The following HMCN1 variants were observed in gnomAD, a reference collection of about 807,000 sequenced individuals.
HMCN1 encodes hemicentin 1.
In HMCN1, 321 loss-of-function variants were observed where a neutral mutation model predicts 625.9. That is an observed-to-expected ratio of 0.51 (90% CI 0.47 to 0.56). The LOEUF (loss-of-function observed/expected upper bound fraction) is 0.56. Ranked by LOEUF, HMCN1 falls within the 20% of genes least tolerant of loss-of-function variation. The probability of loss-of-function intolerance (pLI) is 0.00; values close to 1 mark genes in which losing one functional copy is unlikely to be tolerated. For synonymous variants in HMCN1, 2,425 were observed against 2,417.6 expected (o/e 1.00, Z -0.09); for missense variants, 6,588 against 6,887.3 (o/e 0.96, Z 1.54).
rs1650206611 is a variant in HMCN1 at position 185,963,833 on chromosome 1, A to C, written c.2036A>C (p.Tyr679Ser). 6.2e-7 allele frequency: 1 copy of C among 1,608,868 alleles called. No individual in the cohort carries two copies. Among genetic ancestry groups the C allele is most frequent in the South Asian group, 1.1e-5 (1 of 90,980 alleles). Residue 679 changes from tyrosine (Y) to serine (S), a missense_variant, in exon 13 of 107, where the codon TAT becomes TCT. Tyr to Ser is a moderately radical substitution (Grantham distance 144). Transcript: ENST00000271588. The stretch of plus-strand genomic sequence containing the variant: ...GCAGCTCCCAAAGATGCAGGGATCT[A>C]TGGTTGCCTAGCAAGTAATTCAGCT... ...KNAAPKDAGI[Y>S]GCLASNSAGT...
chr1:186,160,001 A>T (rs1651329079), intron 97 of HMCN1, among the ~76,000 whole-genome samples: 1 of 150,904 alleles, frequency 6.6e-6, no homozygotes, highest in African/African-American at 2.4e-5. Context: ...GAATGGTACC[A>T]GTTCCTCCTT....
chr1:185,928,616 G>A lies in HMCN1; in HGVS notation c.1501G>A (p.Ala501Thr). 3 of 1,613,510 alleles carry A rather than the reference G, an allele frequency of 1.9e-6. No homozygotes were observed. The highest frequency in any genetic ancestry group is 1.7e-4 in the Middle Eastern group (1 of 6,060). ...LSDEGFYECI[A>T]VSSAGTGRAQ... The stretch of plus-strand genomic sequence containing the variant: ...TGACGAAGGTTTCTATGAATGCATT[G>A]CTGTCAGCAGTGCAGGTACTGGACG... The change falls in exon 10 of 107, where the codon GCT becomes ACT. Residue 501 changes from alanine (A) to threonine (T), a missense_variant. Around this residue, in one of 3 missense-constraint regions of HMCN1, gnomAD observed 4,628 missense variants for 4,853.1 expected, o/e 0.95. Coordinates refer to ENST00000271588, the MANE Select transcript of HMCN1 (RefSeq NM_031935.3).
intron 4 of HMCN1, among the ~76,000 whole-genome samples, chr1:185,880,233 G>A (rs1415551792): frequency 6.6e-6 from 1 of 152,120 alleles, no homozygotes; most frequent in Non-Finnish European, 1.5e-5. Context: ...GGAAGTCACG[G>A]TGAAGACTTT....
chr1:185,848,171 C>T (rs1251872984), intron 2 of HMCN1, among the ~76,000 whole-genome samples: 1 of 152,140 alleles, frequency 6.6e-6, no homozygotes, highest in Non-Finnish European at 1.5e-5. Flanking sequence ...GCTATCATTT[C>T]CTTACTCCCA....
At chr1:186,095,542 A>G (rs778543386) in intron 68 of HMCN1, 21 bp downstream of exon 68, 2 of 1,607,172 alleles carry the variant, frequency 1.2e-6, no homozygotes, top group Non-Finnish European at 1.7e-6. Flanking sequence ...ATTGTGGTAA[A>G]TGTAGAATAA....
At chr1:185,842,404 A>G (rs936050608) in intron 1 of HMCN1, among the ~76,000 whole-genome samples, 28 of 152,026 alleles carry the variant, frequency 1.8e-4, no homozygotes, top group African/African-American at 6.5e-4. Context: ...TCCAAAAAAT[A>G]TGAAAAAAAT....
chr1:186,092,984 G>A (rs1571341905), intron 64 of HMCN1, 150 bp from the exon 65 acceptor site: 1 of 894,342 alleles, frequency 1.1e-6, no homozygotes, highest in African/African-American at 1.7e-5. Context: ...CTTATAAGGA[G>A]GTGGTAGATA....
chr1:185,998,293 G>T (rs766993511), intron 25 of HMCN1, among the ~76,000 whole-genome samples: 42 of 152,122 alleles, frequency 2.8e-4, no homozygotes, highest in Non-Finnish European at 8.8e-5. Flanking sequence ...CCCCACATGT[G>T]CCTTTTAGTA....
At chr1:185,804,932 T>TA (rs575080394) in intron 1 of HMCN1, among the ~76,000 whole-genome samples, 49 of 152,086 alleles carry the variant, frequency 3.2e-4, no homozygotes, top group African/African-American at 1.1e-3. Context: ...GACCTAGTTT[T>TA]AAAAAAAACT....
chr1:185,905,909 T>C (rs1353171705), intron 4 of HMCN1, among the ~76,000 whole-genome samples: 2 of 151,860 alleles, frequency 1.3e-5, no homozygotes, highest in Non-Finnish European at 1.5e-5. Flanking sequence ...AGGCCCTTTG[T>C]AGATATAAAC....
intron 1 of HMCN1, among the ~76,000 whole-genome samples, chr1:185,751,744 G>C (rs1461298960): frequency 6.6e-6 from 1 of 151,324 alleles, no homozygotes; most frequent in African/African-American, 2.4e-5. Context: ...TTTCTCTTCA[G>C]TTCTGTCCAA....
chr1:186,067,452 C>T (rs1006314728), intron 49 of HMCN1, among the ~76,000 whole-genome samples: 5 of 152,142 alleles, frequency 3.3e-5, no homozygotes, highest in African/African-American at 1.2e-4. Flanking sequence ...TACCACTGAT[C>T]GTTTAAGGCT....
At chr1:185,811,398 TG>T (rs1659505830) in intron 1 of HMCN1, among the ~76,000 whole-genome samples, 1 of 151,996 alleles carries the variant, frequency 6.6e-6, no homozygotes, top group South Asian at 2.1e-4. Context: ...AGGACTAGCC[TG>T]GGCGATATAG....
intron 6 of HMCN1, among the ~76,000 whole-genome samples, chr1:185,912,246 A>C (rs1428245422): frequency 6.6e-6 from 1 of 152,094 alleles, no homozygotes; most frequent in Non-Finnish European, 1.5e-5. Flanking sequence ...ACTGTCCTTT[A>C]CTTTACAGAA....
chr1:185,949,915 T>C (rs1433455390), intron 11 of HMCN1, among the ~76,000 whole-genome samples: 1 of 151,814 alleles, frequency 6.6e-6, no homozygotes, highest in African/African-American at 2.4e-5. Context: ...TGAGAAGTTA[T>C]TTCCTTGAGG....
intron 11 of HMCN1, among the ~76,000 whole-genome samples, chr1:185,935,091 C>G (rs1476156773): frequency 6.6e-6 from 1 of 152,102 alleles, no homozygotes; most frequent in Non-Finnish European, 1.5e-5. Flanking sequence ...AACTCTGGAA[C>G]TATTTTACCA....
chr1:186,092,630 G>C (rs954082681), intron 64 of HMCN1, among the ~76,000 whole-genome samples: 1 of 141,612 alleles, frequency 7.1e-6, no homozygotes, highest in African/African-American at 2.8e-5. Flanking sequence ...TAATTCAAAA[G>C]AAAAGCTTTA....
chr1:185,804,932 TA>T (rs575080394), intron 1 of HMCN1, among the ~76,000 whole-genome samples: 3 of 151,968 alleles, frequency 2.0e-5, no homozygotes, highest in Admixed American at 1.3e-4. Flanking sequence ...GACCTAGTTT[TA>T]AAAAAAACTA....
At chr1:185,981,653 C>G (rs1651646048) in intron 17 of HMCN1, among the ~76,000 whole-genome samples, 1 of 151,842 alleles carries the variant, frequency 6.6e-6, no homozygotes, top group African/African-American at 2.4e-5. Flanking sequence ...TCATTAATAC[C>G]CTTTTACACA....
Sources: allele counts gnomAD v4.1 joint callset (sites outside exome capture counted in the v4.1 genomes callset), GRCh38; gene constraint gnomAD v4.1.1; regional missense constraint gnomAD v4.1.1; transcripts MANE v1.5; gene names NCBI Gene and HGNC (gene_info 2026-07-23, HGNC 2026-07-21).